UBE3D: variants seen among roughly 807,000 people sequenced by gnomAD.
UBE3D encodes E3 ubiquitin-protein ligase E3D.
In UBE3D, 48 loss-of-function variants were observed where a neutral mutation model predicts 49.6. The ratio of observed to expected loss-of-function variants is 0.97; its 90% CI spans 0.77 to 1.23. The LOEUF is 1.23. Among genes scored for constraint, UBE3D ranks in the 50% most tolerant of loss-of-function variants. The pLI is 0.00. For missense variants in UBE3D, 452 were observed against 468.4 expected (o/e 0.96, Z 0.32); for synonymous variants, 189 against 174.2 (o/e 1.08, Z -0.67).
At chr6:83,056,958 T>C (rs909844499) in intron 2 of UBE3D, among the ~76,000 whole-genome samples, 1 of 152,228 alleles carries the variant, frequency 6.6e-6, no homozygotes, top group African/African-American at 2.4e-5. Context: ...TTACGTACAT[T>C]GTAATAGATG....
intron 9 of UBE3D, among the ~76,000 whole-genome samples, chr6:82,897,789 C>T (rs558009008): frequency 2.3e-4 from 35 of 152,202 alleles, no homozygotes; most frequent in Admixed American, 7.9e-4. Context: ...ACTAATTTGG[C>T]GTTAATTGCG....
chr6:82,976,872 T>A (rs548275195), intron 8 of UBE3D, among the ~76,000 whole-genome samples: 1 of 152,182 alleles, frequency 6.6e-6, no homozygotes, highest in East Asian at 1.9e-4. Flanking sequence ...CCCAGCACTT[T>A]GGGAGGCCGA....
chr6:82,937,149 C>A (rs951117140), intron 9 of UBE3D, among the ~76,000 whole-genome samples: 1 of 152,066 alleles, frequency 6.6e-6, no homozygotes, highest in Non-Finnish European at 1.5e-5. Context: ...TAGAAAAGAT[C>A]CCCCAATACC....
chr6:82,933,672 G>A (rs1055991051), intron 9 of UBE3D, among the ~76,000 whole-genome samples: 3 of 152,184 alleles, frequency 2.0e-5, no homozygotes, highest in Admixed American at 1.3e-4. Context: ...CAGATGGGAA[G>A]GGCAGTTGTT....
At chr6:82,888,250 A>G (rs996287850), downstream of UBE3D, among the ~76,000 whole-genome samples, 4 of 150,548 alleles carry the variant, frequency 2.7e-5, no homozygotes, top group African/African-American at 9.8e-5. Flanking sequence ...TAGGCAATCT[A>G]CTGCTGCTAC....
chr6:82,959,717 CAAAAAAAA>C lies in UBE3D; in HGVS notation c.1011-2275_1011-2268del, dbSNP rs778278435. On this transcript the variant is annotated intron_variant, in intron 8 of 9. Coordinates refer to ENST00000369747, the MANE Select transcript of UBE3D (RefSeq NM_198920.3). Reference sequence around the variant, plus strand: ...CAAATTCCTATCTCAGTGAGACCTCCAAAAAAAAAAAAAAAAAAAAAAAAAAAAGGATT... The same window carrying C: ...CAAATTCCTATCTCAGTGAGACCTCCAAAAAAAAAAAAAAAAAAAAGGATT... Among the ~76,000 whole-genome samples, 16 of 37,730 alleles carry C rather than the reference CAAAAAAAA, an allele frequency of 4.2e-4. No individual in the cohort carries two copies. The East Asian group carries it at 0.011, about 25-fold the overall frequency. 24.8% of individuals were successfully genotyped at this position (37,730 alleles called of 152,430 possible).
At chr6:82,888,589 C>T (rs1770930335), downstream of UBE3D, among the ~76,000 whole-genome samples, 1 of 152,042 alleles carries the variant, frequency 6.6e-6, no homozygotes, top group Admixed American at 6.5e-5. Flanking sequence ...CCAAAGGTCC[C>T]AGGAAGGCTA....
At chr6:83,006,050 C>T (rs180801108) in intron 8 of UBE3D, among the ~76,000 whole-genome samples, 1 of 152,170 alleles carries the variant, frequency 6.6e-6, no homozygotes, top group Non-Finnish European at 1.5e-5. Flanking sequence ...CACGGTGAAA[C>T]CCCGTCTCTA....
chr6:82,894,766 T>G (rs1355207469), intron 9 of UBE3D, among the ~76,000 whole-genome samples: 1 of 152,098 alleles, frequency 6.6e-6, no homozygotes, highest in Non-Finnish European at 1.5e-5. Flanking sequence ...CAGAAGTCAT[T>G]GAGTCTGACT....
At chr6:83,047,923 A>C (rs1233506068) in intron 3 of UBE3D, among the ~76,000 whole-genome samples, 1 of 151,972 alleles carries the variant, frequency 6.6e-6, no homozygotes, top group Non-Finnish European at 1.5e-5. Context: ...TCTACTAAAA[A>C]TACAAAAAAT....
chr6:82,942,835 T>C (rs1455703024), intron 9 of UBE3D, among the ~76,000 whole-genome samples: 1 of 152,224 alleles, frequency 6.6e-6, no homozygotes, highest in Non-Finnish European at 1.5e-5. Flanking sequence ...AGCAGAAATG[T>C]GGGGTCTGAG....
chr6:82,902,153 G>C (rs1473204013), intron 9 of UBE3D, among the ~76,000 whole-genome samples: 1 of 152,178 alleles, frequency 6.6e-6, no homozygotes, highest in Admixed American at 6.5e-5. Flanking sequence ...GGCACCAAAA[G>C]TTGGCAAAGA....
At chr6:83,065,552 A>C (rs2127870229) in intron 1 of UBE3D, 90 bp downstream of exon 1, 3 of 1,246,588 alleles carry the variant, frequency 2.4e-6, no homozygotes, top group Non-Finnish European at 2.3e-6. Context: ...GAAACTCAAA[A>C]TCCCTCGTAC....
downstream of UBE3D, among the ~76,000 whole-genome samples, chr6:82,888,970 T>C (rs1457606833): frequency 1.3e-5 from 2 of 152,232 alleles, no homozygotes; most frequent in East Asian, 1.9e-4. Flanking sequence ...ATGTACAATG[T>C]ATCATAAAAG....
chr6:82,904,971 G>T lies in UBE3D; in HGVS notation c.1150-11929C>A, dbSNP rs1162368358. ...AGAGGCCACTGGCTGGATTGTGTAGGGGGCGTCTAAAGGTTTGTAATGGGC... is the reference window on the plus strand; with the variant it reads ...AGAGGCCACTGGCTGGATTGTGTAGTGGGCGTCTAAAGGTTTGTAATGGGC... On this transcript the variant is annotated intron_variant, in intron 9 of 9. Transcript: ENST00000369747. 2.6e-5 allele frequency among the ~76,000 whole-genome samples: 4 copies of T among 152,204 alleles called. No homozygotes were observed. The South Asian group carries it at 8.3e-4, about 32-fold the overall frequency.
intron 8 of UBE3D, among the ~76,000 whole-genome samples, chr6:83,002,127 C>T (rs535929290): frequency 1.3e-5 from 2 of 152,232 alleles, no homozygotes; most frequent in East Asian, 3.9e-4. Flanking sequence ...CTTTTGCTGC[C>T]CAGCTCTTTT....
intron 9 of UBE3D, chr6:82,924,824 C>A (rs1773626028): frequency 6.6e-6 from 1 of 152,156 alleles, no homozygotes; most frequent in Non-Finnish European, 1.5e-5. Context: ...CATTATCCTT[C>A]CTTTGACTGA....
chr6:83,040,613 T>C (rs1782606482), intron 4 of UBE3D, among the ~76,000 whole-genome samples: 1 of 152,192 alleles, frequency 6.6e-6, no homozygotes, highest in African/African-American at 2.4e-5. Flanking sequence ...TAAACACTTA[T>C]TCCATTTTTT....
intron 1 of UBE3D, among the ~76,000 whole-genome samples, chr6:83,062,402 C>T (rs1230959901): frequency 6.6e-6 from 1 of 152,162 alleles, no homozygotes; most frequent in Non-Finnish European, 1.5e-5. Flanking sequence ...AGAACTCACC[C>T]AACCATCTCC....
Sources: allele counts gnomAD v4.1 joint callset (sites outside exome capture counted in the v4.1 genomes callset), GRCh38; gene constraint gnomAD v4.1.1; transcripts MANE v1.5; gene names NCBI Gene and HGNC (gene_info 2026-07-23, HGNC 2026-07-21).